The following ZNF280C variants were observed in gnomAD, a reference collection of about 807,000 sequenced individuals.
ZNF280C encodes the protein zinc finger protein 280C.
In ZNF280C, 14 loss-of-function variants were observed where a neutral mutation model predicts 53.6. The ratio of observed to expected loss-of-function variants is 0.26; its 90% CI spans 0.17 to 0.41. ZNF280C has a LOEUF of 0.41. Among genes scored for constraint, ZNF280C ranks in the 10% least tolerant of loss-of-function variants. The pLI, the probability that ZNF280C is intolerant of heterozygous loss-of-function variation, is 1.00. For missense variants in ZNF280C, 416 were observed against 547.1 expected, an observed-to-expected ratio of 0.76 and a Z score of 2.39; for synonymous variants, 203 against 181.1, an observed-to-expected ratio of 1.12 and a Z score of -0.97.
chrX:130,208,544 G>A (rs1384297266), intron 16 of ZNF280C, among the ~76,000 whole-genome samples: 1 of 111,475 alleles, frequency 9.0e-6, no homozygotes, highest in Non-Finnish European at 1.9e-5. Flanking sequence ...GCATACAATT[G>A]AGCTTGACCA....
At chrX:130,250,530 G>GA (rs1463555156) in intron 2 of ZNF280C, among the ~76,000 whole-genome samples, 1 of 111,542 alleles carries the variant, frequency 9.0e-6, no homozygotes, top group African/African-American at 3.3e-5. Context: ...AGAAAATCCA[G>GA]AAAAAATGAA....
intron 2 of ZNF280C, among the ~76,000 whole-genome samples, chrX:130,259,788 G>A (rs1056593690): frequency 6.8e-5 from 7 of 103,679 alleles, no homozygotes; most frequent in Admixed American, 1.1e-4. Flanking sequence ...AGGTCAGTTC[G>A]AGACCACTCT....
Position 130,216,642 on chromosome X carries a change from T to C in ZNF280C, c.1528-541A>G, listed in dbSNP as rs758658204. Among the ~76,000 whole-genome samples the C allele has an allele frequency of 6.3e-5, 7 of 111,855 alleles. No homozygotes were observed. In the East Asian group the frequency reaches 1.4e-3, roughly 22 times the overall value. Reference sequence around the variant, plus strand: ...ACAATAACAAGTATTGGCTAGGACATAGAGAAATGCGAACCCTCATACATT... The same window carrying C: ...ACAATAACAAGTATTGGCTAGGACACAGAGAAATGCGAACCCTCATACATT... On this transcript the variant is annotated intron_variant, in intron 13 of 18. Coordinates refer to ENST00000370978, the MANE Select transcript of ZNF280C (RefSeq NM_017666.5).
At position 130,249,417 on chromosome X, in the gene ZNF280C, C is replaced by T. The variant is rs757527031; in HGVS notation, c.32-2412G>A. ...CAGTTTGGCTGGCATCACCCATTGGCGTGCTGGGACAAGAGGTCCACGAGC... is the reference window on the plus strand; with the variant it reads ...CAGTTTGGCTGGCATCACCCATTGGTGTGCTGGGACAAGAGGTCCACGAGC... On this transcript the variant is annotated intron_variant, in intron 2 of 18. Transcript: ENST00000370978. Among the ~76,000 whole-genome samples the T allele has an allele frequency of 4.5e-5, 5 of 112,217 alleles. No homozygotes were observed. The South Asian group carries it at 1.9e-3, about 42-fold the overall frequency.
At chrX:130,254,851 AC>A (rs1199729431) in intron 2 of ZNF280C, among the ~76,000 whole-genome samples, 10 of 109,819 alleles carry the variant, frequency 9.1e-5, no homozygotes, top group Non-Finnish European at 1.5e-4. Flanking sequence ...TATACAACAA[AC>A]CCCCAAGACA....
chrX:130,243,930 C>G, intron 3 of ZNF280C, 65 bp from the exon 4 acceptor site: 1 of 733,878 alleles, frequency 1.4e-6, no homozygotes, highest in Non-Finnish European at 1.9e-6. Flanking sequence ...AGAAAAATTC[C>G]TCCAAAAACA....
chrX:130,232,756 G>A (rs775297265), intron 8 of ZNF280C, among the ~76,000 whole-genome samples: 11 of 112,032 alleles, frequency 9.8e-5, no homozygotes, highest in African/African-American at 3.2e-4. Flanking sequence ...TGGTGCAGTC[G>A]CTATGGAAGA....
chrX:130,243,245 T>C (rs777053007), intron 5 of ZNF280C, among the ~76,000 whole-genome samples: 3 of 111,722 alleles, frequency 2.7e-5, no homozygotes, highest in African/African-American at 9.8e-5. Flanking sequence ...TGCAGTGGTA[T>C]GATCTTGGCT....
At chrX:130,260,663 G>A (rs1052659423) in intron 1 of ZNF280C, among the ~76,000 whole-genome samples, 198 bp from the exon 2 acceptor site, 9 of 111,705 alleles carry the variant, frequency 8.1e-5, no homozygotes, top group Non-Finnish European at 1.5e-4. Flanking sequence ...CTACTAGTGT[G>A]GATTTTGTTA....
chrX:130,210,149 A>AT (rs1323215447), intron 15 of ZNF280C, among the ~76,000 whole-genome samples: 2 of 112,191 alleles, frequency 1.8e-5, no homozygotes, highest in Non-Finnish European at 3.8e-5. Flanking sequence ...TGAGAAATAA[A>AT]TTTCTGTTGT....
Position 130,264,752 on chromosome X carries a change from C to G in ZNF280C, c.-17+4010G>C, listed in dbSNP as rs907141069. ...GCAGTGACTCAGCAAAATACTCATT[C>G]AATATATGAAAGCTGATTCAAATGG... On this transcript the variant is annotated intron_variant, in intron 1 of 18. Transcript: ENST00000370978. 3.6e-4 allele frequency among the ~76,000 whole-genome samples: 40 copies of G among 111,239 alleles called. No homozygotes were observed. The Admixed American group carries it at 3.7e-3, about 10-fold the overall frequency.
At chrX:130,208,182 T>TATA (rs1297308294) in intron 16 of ZNF280C, among the ~76,000 whole-genome samples, 1 of 111,942 alleles carries the variant, frequency 8.9e-6, no homozygotes, top group African/African-American at 3.2e-5. Flanking sequence ...CATGCTGGGG[T>TATA]ATAGTGGCGC....
At chrX:130,267,100 CAAA>C (rs759589465) in intron 1 of ZNF280C, among the ~76,000 whole-genome samples, 3 of 48,837 alleles carry the variant, frequency 6.1e-5, no homozygotes, top group Non-Finnish European at 1.2e-4. Context: ...GACTCCGTCT[CAAA>C]AAAAAAAAAA....
chrX:130,219,555 A>T (rs967417604), intron 13 of ZNF280C, among the ~76,000 whole-genome samples: 4 of 108,627 alleles, frequency 3.7e-5, no homozygotes, highest in Non-Finnish European at 7.6e-5. Context: ...AAGGAGAAAG[A>T]AATTTGTAGT....
rs188088673 is a variant in ZNF280C at position 130,216,463 on chromosome X, G to C, written c.1528-362C>G. Among the ~76,000 whole-genome samples, 21 of 112,027 alleles carry C rather than the reference G, an allele frequency of 1.9e-4. No homozygotes were observed. In the East Asian group the frequency reaches 5.6e-3, roughly 30 times the overall value. ...GACACCAAAAGCACAAGCAACCAAA[G>C]AGAAAATAGATGAATAGGCATTTCT... On this transcript the variant is annotated intron_variant, in intron 13 of 18. Coordinates refer to ENST00000370978, the MANE Select transcript of ZNF280C (RefSeq NM_017666.5).
Position 130,215,336 on chromosome X carries a change from T to C in ZNF280C, c.1839-3A>G, listed in dbSNP as rs775053858. On this transcript the variant is annotated splice_region_variant and splice_polypyrimidine_tract_variant and intron_variant, in intron 14 of 18. Transcript: ENST00000370978. ...ACTTGTGAATTCCCCGACGACACCT[T>C]ATGGAGACGGAAAAAAAAGATAAAA... The C allele has an allele frequency of 6.8e-5, 78 of 1,154,015 alleles. No homozygotes were observed. The highest frequency in any genetic ancestry group is 8.7e-5 in the Non-Finnish European group (76 of 869,777).
chrX:130,235,405 G>A (rs1248269340), intron 8 of ZNF280C, among the ~76,000 whole-genome samples: 8 of 111,402 alleles, frequency 7.2e-5, no homozygotes, highest in Non-Finnish European at 1.3e-4. Flanking sequence ...TCCCAGCTAC[G>A]CGGGAGGCTG....
intron 2 of ZNF280C, among the ~76,000 whole-genome samples, chrX:130,257,901 G>T (rs1205837909): frequency 8.9e-6 from 1 of 112,380 alleles, no homozygotes; most frequent in Non-Finnish European, 1.9e-5. Flanking sequence ...ATGAGGCCAG[G>T]AGTTCGAGAC....
At chrX:130,233,398 C>T (rs1268843209) in intron 8 of ZNF280C, among the ~76,000 whole-genome samples, 2 of 111,114 alleles carry the variant, frequency 1.8e-5, no homozygotes, top group East Asian at 5.6e-4. Flanking sequence ...GGGCGGATCA[C>T]CTGAGGTTGG....
Sources: gnomAD v4.1 joint callset for allele counts (sites outside exome capture counted in the v4.1 genomes callset) on GRCh38, gnomAD v4.1.1 for gene constraint, MANE v1.5 for transcripts, NCBI Gene and HGNC (gene_info 2026-07-23, HGNC 2026-07-21) for gene names.